VPS13B: variants seen among roughly 807,000 people sequenced by gnomAD.
VPS13B encodes vacuolar protein sorting 13 homolog B.
A neutral mutation model predicts 426.4 loss-of-function variants in VPS13B; 285 were observed. That is an observed-to-expected ratio of 0.67 (90% CI 0.61 to 0.74). The LOEUF (loss-of-function observed/expected upper bound fraction) is 0.74, where lower values mean the gene tolerates loss of function less well. VPS13B is among the 30% of genes least tolerant of loss of function. The probability of loss-of-function intolerance (pLI) is 0.00; values close to 1 mark genes in which losing one functional copy is unlikely to be tolerated. For missense variants in VPS13B, 4,537 were observed against 4,782.6 expected (o/e 0.95, Z 1.51); for synonymous variants, 1,676 against 1,676.4 (o/e 1.00, Z 0.01).
chr8:99,544,160 G>C (rs564854793), intron 30 of VPS13B, among the ~76,000 whole-genome samples: 1 of 152,046 alleles, frequency 6.6e-6, no homozygotes, highest in East Asian at 1.9e-4. Flanking sequence ...CACGTCCTTT[G>C]TAGGGACATG....
chr8:99,038,192 T>G (rs539963621), intron 2 of VPS13B, among the ~76,000 whole-genome samples: 1 of 152,162 alleles, frequency 6.6e-6, no homozygotes, highest in Non-Finnish European at 1.5e-5. Flanking sequence ...AACAAGGTAT[T>G]TGATGCTACT....
At chr8:99,558,399 C>G (rs546567755) in intron 31 of VPS13B, among the ~76,000 whole-genome samples, 17 of 145,304 alleles carry the variant, frequency 1.2e-4, no homozygotes, top group African/African-American at 4.1e-4. Context: ...GAGTAGACAT[C>G]ATGTTTTCTT....
intron 19 of VPS13B, among the ~76,000 whole-genome samples, chr8:99,289,243 C>A (rs1819603483): frequency 6.6e-6 from 1 of 151,920 alleles, no homozygotes; most frequent in Non-Finnish European, 1.5e-5. Context: ...GAGTTAAGAA[C>A]AATAGTAAAT....
chr8:99,528,887 A>C (rs1372864121), intron 30 of VPS13B, among the ~76,000 whole-genome samples: 1 of 152,056 alleles, frequency 6.6e-6, no homozygotes, highest in Non-Finnish European at 1.5e-5. Flanking sequence ...TTTTCAGTAC[A>C]TTTTAATTGG....
Position 99,590,638 on chromosome 8 carries a change from C to G in VPS13B, c.5220+13005C>G, listed in dbSNP as rs563845379. On this transcript the variant is annotated intron_variant, in intron 33 of 61. Transcript: ENST00000357162. The stretch of plus-strand genomic sequence containing the variant: ...CAAGTTGTTCAGTTTCCATGTAGTT[C>G]TGTGGTTTTGAGTGAGTTTCTTAAT... Among the ~76,000 whole-genome samples the G allele has an allele frequency of 5.0e-4, 76 of 152,056 alleles. 2 individuals carry two copies. Among genetic ancestry groups the G allele is most frequent in the South Asian group, 3.1e-3 (15 of 4,810 alleles).
intron 16 of VPS13B, among the ~76,000 whole-genome samples, chr8:99,185,299 AGT>A (rs1813159705): frequency 1.3e-5 from 2 of 152,244 alleles, no homozygotes; most frequent in South Asian, 4.1e-4. Context: ...TTACCTGTAG[AGT>A]GTGGAGTTGG....
In VPS13B at chr8:99,058,258, T is replaced by C. The variant is rs1843988340; in HGVS notation, c.291+19692T>C. ...CAAATATGAGAATGTAGCTGTCTTCTCTTAAGTCAGATTTAAAAAAAAATA... is the reference window on the plus strand; with the variant it reads ...CAAATATGAGAATGTAGCTGTCTTCCCTTAAGTCAGATTTAAAAAAAAATA... On this transcript the variant is annotated intron_variant, in intron 3 of 61. Transcript: ENST00000357162. Among the ~76,000 whole-genome samples, 6 of 151,978 alleles carry C rather than the reference T, an allele frequency of 3.9e-5. No individual in the cohort carries two copies. In the South Asian group the frequency reaches 1.2e-3, roughly 31 times the overall value.
At chr8:99,421,010 A>T (rs1416665280) in intron 21 of VPS13B, among the ~76,000 whole-genome samples, 1 of 152,202 alleles carries the variant, frequency 6.6e-6, no homozygotes. Context: ...ATACATTACA[A>T]CATTTAAATT....
intron 21 of VPS13B, among the ~76,000 whole-genome samples, chr8:99,392,808 T>G (rs145150895): frequency 6.6e-6 from 1 of 152,288 alleles, no homozygotes; most frequent in African/African-American, 2.4e-5. Flanking sequence ...GAATCATTAG[T>G]CTTCCACCTG....
At chr8:99,334,144 T>C (rs1588261690) in intron 19 of VPS13B, among the ~76,000 whole-genome samples, 1 of 152,058 alleles carries the variant, frequency 6.6e-6, no homozygotes, top group South Asian at 2.1e-4. Flanking sequence ...ACTACTAGAC[T>C]TTTTTTCCAA....
intron 34 of VPS13B, among the ~76,000 whole-genome samples, chr8:99,653,159 G>A (rs1202346118): frequency 6.6e-6 from 1 of 152,116 alleles, no homozygotes; most frequent in Non-Finnish European, 1.5e-5. Context: ...TTAAATCTGA[G>A]TTTCAAGTGA....
At chr8:99,623,849 T>C (rs1381718781) in intron 33 of VPS13B, among the ~76,000 whole-genome samples, 3 of 151,902 alleles carry the variant, frequency 2.0e-5, no homozygotes, top group Non-Finnish European at 4.4e-5. Context: ...TTTTTGAAAA[T>C]CAGATACTCT....
intron 30 of VPS13B, among the ~76,000 whole-genome samples, chr8:99,531,332 G>A (rs528106877): frequency 6.6e-6 from 1 of 152,192 alleles, no homozygotes; most frequent in Admixed American, 6.5e-5. Flanking sequence ...TCTCTTATGA[G>A]CTCTGAGATG....
intron 36 of VPS13B, among the ~76,000 whole-genome samples, chr8:99,715,122 G>A (rs576743802): frequency 6.6e-6 from 1 of 151,730 alleles, no homozygotes; most frequent in South Asian, 2.1e-4. Flanking sequence ...AGGGGACTTG[G>A]AATAGATGAT....
intron 17 of VPS13B, among the ~76,000 whole-genome samples, chr8:99,212,667 T>TCCTAC (rs1463696933): frequency 6.6e-6 from 1 of 151,938 alleles, no homozygotes; most frequent in Non-Finnish European, 1.5e-5. Flanking sequence ...CTTTTTCTCT[T>TCCTAC]CTTCTTCCTT....
intron 25 of VPS13B, among the ~76,000 whole-genome samples, chr8:99,488,082 A>G (rs1221524450): frequency 6.6e-6 from 1 of 152,184 alleles, no homozygotes; most frequent in Non-Finnish European, 1.5e-5. Flanking sequence ...TTGGTTTAAA[A>G]TGCAGAGGGA....
intron 24 of VPS13B, among the ~76,000 whole-genome samples, chr8:99,479,730 A>G (rs922431749): frequency 5.3e-5 from 8 of 152,158 alleles, no homozygotes; most frequent in African/African-American, 1.7e-4. Flanking sequence ...GCATGCATCA[A>G]TAGTTTATTT....
intron 40 of VPS13B, among the ~76,000 whole-genome samples, chr8:99,771,448 A>G (rs1395046866): frequency 2.0e-5 from 3 of 152,222 alleles, no homozygotes; most frequent in South Asian, 2.1e-4. Flanking sequence ...GCTTTTTAAT[A>G]TATCTATATA....
intron 39 of VPS13B, among the ~76,000 whole-genome samples, chr8:99,757,754 C>T (rs1810712212): frequency 6.6e-6 from 1 of 152,190 alleles, no homozygotes; most frequent in African/African-American, 2.4e-5. Flanking sequence ...TACCAACTGG[C>T]AGATATACAA....
Sources: allele counts gnomAD v4.1 joint callset (sites outside exome capture counted in the v4.1 genomes callset), GRCh38; gene constraint gnomAD v4.1.1; transcripts MANE v1.5; gene names NCBI Gene and HGNC (gene_info 2026-07-23, HGNC 2026-07-21).